MAGI1: variants seen among roughly 807,000 people sequenced by gnomAD.
MAGI1 encodes the protein membrane-associated guanylate kinase, WW and PDZ domain-containing protein 1.
In MAGI1, 58 loss-of-function variants were observed where a neutral mutation model predicts 139.9. The ratio of observed to expected loss-of-function variants is 0.41; its 90% CI spans 0.34 to 0.52. The LOEUF (loss-of-function observed/expected upper bound fraction) is 0.52, where lower values mean the gene tolerates loss of function less well. Among genes scored for constraint, MAGI1 ranks in the 20% least tolerant of loss-of-function variants. The probability of loss-of-function intolerance (pLI) is 0.12; values close to 1 mark genes in which losing one functional copy is unlikely to be tolerated. For missense variants in MAGI1, 1,874 were observed against 1,901.6 expected, an observed-to-expected ratio of 0.99 and a Z score of 0.27; for synonymous variants, 812 against 737.9, an observed-to-expected ratio of 1.10 and a Z score of -1.63.
chr3:65,670,353 T>C (rs888184117), intron 1 of MAGI1, among the ~76,000 whole-genome samples: 25 of 151,684 alleles, frequency 1.6e-4, no homozygotes, highest in African/African-American at 5.8e-4. Context: ...TGTGTGTATA[T>C]ATATATATAC....
At chr3:65,731,206 A>C (rs930988191) in intron 1 of MAGI1, among the ~76,000 whole-genome samples, 21 of 152,348 alleles carry the variant, frequency 1.4e-4, no homozygotes, top group Admixed American at 9.1e-4. Flanking sequence ...CCCTGTCTTC[A>C]GAATGTAATA....
intron 2 of MAGI1, among the ~76,000 whole-genome samples, chr3:65,546,279 T>C (rs987160973): frequency 2.0e-5 from 3 of 152,158 alleles, no homozygotes; most frequent in Non-Finnish European, 2.9e-5. Context: ...CTTGCCCCCA[T>C]GGAGGTGGTA....
At chr3:65,359,823 G>C in intron 22 of MAGI1, 1 of 985,608 alleles carries the variant, frequency 1.0e-6, no homozygotes, top group East Asian at 1.1e-4. Context: ...AACAGACATA[G>C]GTTTTGAGAA....
At chr3:65,575,321 TA>T (rs1165290560) in intron 2 of MAGI1, among the ~76,000 whole-genome samples, 4 of 152,032 alleles carry the variant, frequency 2.6e-5, no homozygotes, top group Admixed American at 2.6e-4. Context: ...ATTAAAACCA[TA>T]ATGAGGTACC....
chr3:65,414,917 T>C (rs1946075269), intron 12 of MAGI1, among the ~76,000 whole-genome samples: 1 of 146,864 alleles, frequency 6.8e-6, no homozygotes, highest in Non-Finnish European at 1.5e-5. Flanking sequence ...CAATCCCAGC[T>C]ACTCGGGAGG....
rs1203930417 is a variant in MAGI1 at position 65,771,006 on chromosome 3, AAAG to A, written c.314-148921_314-148919del. ...ACGCCCAGCAAATTATTTTATTTTT[AAAG>A]AAGATTACTGGGCAGGGTGTGGTAT... On this transcript the variant is annotated intron_variant, in intron 1 of 22. Coordinates refer to ENST00000402939, the MANE Select transcript of MAGI1 (RefSeq NM_001033057.2). 1.9e-3 allele frequency among the ~76,000 whole-genome samples: 282 copies of A among 151,990 alleles called. 5 individuals are homozygous for A. Among genetic ancestry groups the A allele is most frequent in the Non-Finnish European group, 3.2e-4 (22 of 67,970 alleles).
chr3:65,896,600 A>AT (rs2060979919), intron 1 of MAGI1, among the ~76,000 whole-genome samples: 1 of 152,164 alleles, frequency 6.6e-6, no homozygotes, highest in South Asian at 2.1e-4. Flanking sequence ...GCTGGAGCCC[A>AT]TAAGTTTGAA....
intron 1 of MAGI1, among the ~76,000 whole-genome samples, chr3:65,742,326 C>T (rs1221634667): frequency 6.6e-6 from 1 of 152,128 alleles, no homozygotes; most frequent in African/African-American, 2.4e-5. Context: ...TGTTTTGAGA[C>T]AATGAATGCA....
At chr3:65,590,980 ATTCTCT>A (rs1253915808) in intron 2 of MAGI1, among the ~76,000 whole-genome samples, 2 of 152,222 alleles carry the variant, frequency 1.3e-5, no homozygotes, top group Admixed American at 1.3e-4. Context: ...TAAAATGTGC[ATTCTCT>A]TTAACTCAGT....
At chr3:65,534,472 A>G (rs1050128340) in intron 2 of MAGI1, among the ~76,000 whole-genome samples, 6 of 152,138 alleles carry the variant, frequency 3.9e-5, no homozygotes, top group African/African-American at 1.4e-4. Flanking sequence ...CCTCGGTGAG[A>G]GAGTGAGACC....
chr3:65,382,814 T>G (rs1334367965), intron 15 of MAGI1, among the ~76,000 whole-genome samples: 1 of 152,206 alleles, frequency 6.6e-6, no homozygotes, highest in Non-Finnish European at 1.5e-5. Flanking sequence ...TTCCTTGATG[T>G]GAAAACGGGA....
chr3:65,510,239 C>T (rs905988777), intron 2 of MAGI1, among the ~76,000 whole-genome samples: 1 of 152,222 alleles, frequency 6.6e-6, no homozygotes, highest in Non-Finnish European at 1.5e-5. Context: ...CTGTAAAACG[C>T]AGAGCGCCTC....
intron 1 of MAGI1, among the ~76,000 whole-genome samples, chr3:65,789,205 A>C (rs1381772006): frequency 6.6e-6 from 1 of 152,140 alleles, no homozygotes; most frequent in Non-Finnish European, 1.5e-5. Context: ...AAATGATAAT[A>C]AATAAATAAT....
chr3:65,428,926 G>C (rs1947269152), intron 12 of MAGI1, among the ~76,000 whole-genome samples: 1 of 152,050 alleles, frequency 6.6e-6, no homozygotes, highest in Non-Finnish European at 1.5e-5. Flanking sequence ...AGGCAGAACG[G>C]ACAGTAAATA....
chr3:65,811,795 G>A (rs2041250407), intron 1 of MAGI1, among the ~76,000 whole-genome samples: 1 of 151,790 alleles, frequency 6.6e-6, no homozygotes, highest in Non-Finnish European at 1.5e-5. Flanking sequence ...AGTGGCATGA[G>A]CTAACCCTGT....
At chr3:65,382,985 G>A (rs1172687800) in intron 15 of MAGI1, among the ~76,000 whole-genome samples, 1 of 152,130 alleles carries the variant, frequency 6.6e-6, no homozygotes, top group Non-Finnish European at 1.5e-5. Flanking sequence ...AAGGAACCCT[G>A]TTATGTTATT....
At chr3:65,910,558 T>C (rs748485473) in intron 1 of MAGI1, among the ~76,000 whole-genome samples, 3 of 152,180 alleles carry the variant, frequency 2.0e-5, no homozygotes, top group South Asian at 4.1e-4. Flanking sequence ...ACTGATACGA[T>C]GGAGGACATG....
intron 1 of MAGI1, among the ~76,000 whole-genome samples, chr3:65,677,570 T>C (rs774677864): frequency 6.6e-6 from 1 of 152,122 alleles, no homozygotes; most frequent in Admixed American, 6.6e-5. Context: ...AACAGGAAGG[T>C]AGTTAAAAGT....
chr3:65,737,297 G>A (rs1292496707), intron 1 of MAGI1, among the ~76,000 whole-genome samples: 7 of 152,330 alleles, frequency 4.6e-5, no homozygotes, highest in South Asian at 2.1e-4. Context: ...AAGCCACTGC[G>A]CCCAGCGCAT....
Sources: gnomAD v4.1 joint callset for allele counts (sites outside exome capture counted in the v4.1 genomes callset) on GRCh38, gnomAD v4.1.1 for gene constraint, MANE v1.5 for transcripts, NCBI Gene and HGNC (gene_info 2026-07-23, HGNC 2026-07-21) for gene names.